GPR22: variants seen among roughly 807,000 people sequenced by gnomAD.
The protein encoded by GPR22 is G-protein coupled receptor 22.
Under a neutral mutation model 31.0 loss-of-function variants are expected in GPR22, and 13 were observed. The ratio of observed to expected loss-of-function variants is 0.42; its 90% CI spans 0.27 to 0.67. GPR22 has a LOEUF of 0.67. GPR22 is among the 30% of genes least tolerant of loss of function. The pLI is 0.25. For synonymous variants in GPR22, 191 were observed against 173.4 expected (o/e 1.10, Z -0.80); for missense variants, 368 against 509.6 (o/e 0.72, Z 2.67).
chr7:107,475,392 TTCAAA>T lies in GPR22; in HGVS notation c.*32_*36del, dbSNP rs748502886. 3.9e-5 allele frequency: 39 copies of T among 994,682 alleles called. No homozygotes were observed. Among genetic ancestry groups the T allele is most frequent in the Non-Finnish European group, 5.7e-5 (39 of 680,730 alleles). The allele number at this position is 994,682 out of a possible 1,614,324, so 61.6% of individuals were successfully genotyped here. On this transcript the variant is annotated 3_prime_UTR_variant, in exon 3 of 3. Coordinates refer to ENST00000304402, the MANE Select transcript of GPR22 (RefSeq NM_005295.3). ...AAGTCTCAGTTTCACCAAATCCACATTCAAATGAGTTTTAAATTTAAATTGTAAAA... is the reference window on the plus strand; with the variant it reads ...AAGTCTCAGTTTCACCAAATCCACATTGAGTTTTAAATTTAAATTGTAAAA...
In GPR22 at chr7:107,474,433, G is replaced by T; in HGVS notation, c.373G>T (p.Ala125Ser). 1.9e-6 allele frequency: 3 copies of T among 1,613,190 alleles called. No homozygotes were observed. Among genetic ancestry groups the T allele is most frequent in the Admixed American group, 1.7e-5 (1 of 59,906 alleles). Residue 125 changes from alanine to serine, a missense_variant, in exon 3 of 3, where the codon GCA becomes TCA. Physicochemically the swap from Ala to Ser is moderately conservative, Grantham distance 99. Transcript: ENST00000304402. The surrounding 1 kb of genome is among the most constrained non-coding windows in gnomAD (Gnocchi z 5.7). ...TTTCCATGAGGCTTGTGTATCTTTT[G>T]CAAGTGTCTCAACAGCAATCAACGT... ...CCFHEACVSF[A>S]SVSTAINVFA...
downstream of GPR22, among the ~76,000 whole-genome samples, chr7:107,476,782 A>G (rs1797022962): frequency 6.6e-6 from 1 of 151,846 alleles, no homozygotes; most frequent in East Asian, 1.9e-4. Flanking sequence ...CCAAGTAGCA[A>G]TTCATTTTTA....
chr7:107,474,717 A>G lies in GPR22; in HGVS notation c.657A>G (p.Ile219Met). 6.2e-7 allele frequency: 1 copy of G among 1,611,310 alleles called. No homozygotes were observed. The highest frequency in any genetic ancestry group is 8.5e-7 in the Non-Finnish European group (1 of 1,178,504). ...ATCACCTGTTAGTACAGATCCCAAT[A>G]TTCTTTTTCACTGTTGTAGTAATGT... Reference protein sequence around the residue: ...MYYHLLVQIPIFFFTVVVMLI... With the variant: ...MYYHLLVQIPMFFFTVVVMLI... Residue 219 changes from isoleucine to methionine, a missense_variant, in exon 3 of 3, where the codon ATA becomes ATG. Transcript: ENST00000304402. This position sits in a 1 kb window ranked among gnomAD's most constrained non-coding sequence, Gnocchi z 5.7.
downstream of GPR22, among the ~76,000 whole-genome samples, chr7:107,477,593 A>C (rs1042479836): frequency 2.6e-5 from 4 of 151,852 alleles, no homozygotes; most frequent in Non-Finnish European, 5.9e-5. Context: ...ACCATCCGTA[A>C]TGATCTTTCA....
Position 107,471,822 on chromosome 7 carries a change from T to C in GPR22, c.-507T>C, listed in dbSNP as rs921025279. 2 of 152,018 alleles carry C rather than the reference T, an allele frequency of 1.3e-5. No individual in the cohort carries two copies. Among genetic ancestry groups the C allele is most frequent in the African/African-American group, 2.4e-5 (1 of 41,446 alleles). 9.4% of individuals were successfully genotyped at this position (152,018 alleles called of 1,614,324 possible). A position where few individuals can be genotyped will look rare whatever the true frequency, so the allele number is the denominator to read the frequency against. On this transcript the variant is annotated 5_prime_UTR_variant, in exon 2 of 3. An upstream open reading frame in the 5' UTR loses its in-frame stop. Coordinates refer to ENST00000304402, the MANE Select transcript of GPR22 (RefSeq NM_005295.3). ...GGTATGACTAATGGATTTTTCTATC[T>C]GACTTTTATGACCAATTATGTATCC...
Position 107,474,750 on chromosome 7 carries a change from A to T in GPR22, c.690A>T (p.Thr230=). The T allele has an allele frequency of 1.2e-6, 2 of 1,610,308 alleles. No individual in the cohort carries two copies. Among genetic ancestry groups the T allele is most frequent in the Non-Finnish European group, 1.7e-6 (2 of 1,178,018 alleles). Reference sequence around the variant, plus strand: ...TCACTGTTGTAGTAATGTTAATCACATACACCAAAATACTTCAGGCTCTTA... The same window carrying T: ...TCACTGTTGTAGTAATGTTAATCACTTACACCAAAATACTTCAGGCTCTTA... ...FFFTVVVMLI[T]YTKILQALNI... The change falls in exon 3 of 3, where the codon ACA becomes ACT. Residue 230 remains threonine, a synonymous_variant. Coordinates refer to ENST00000304402, the MANE Select transcript of GPR22 (RefSeq NM_005295.3). This position sits in a 1 kb window ranked among gnomAD's most constrained non-coding sequence, Gnocchi z 5.7.
chr7:107,474,303 A>G lies in GPR22; in HGVS notation c.243A>G (p.Thr81=). 1.2e-6 allele frequency: 2 copies of G among 1,611,240 alleles called. No homozygotes were observed. The highest frequency in any genetic ancestry group is 1.7e-6 in the Non-Finnish European group (2 of 1,177,564). Residue 81 remains threonine (T), a synonymous_variant, in exon 3 of 3, where the codon ACA becomes ACG. Transcript: ENST00000304402. This position sits in a 1 kb window ranked among gnomAD's most constrained non-coding sequence, Gnocchi z 5.7. ...TCAACTCTGTCAGTAACATTATTAC[A>G]ATGAATCTTCATGTACTTGATGTAA... ...NLINSVSNII[T]MNLHVLDVII...
In GPR22 at chr7:107,474,987, G is replaced by T; in HGVS notation, c.927G>T (p.Lys309Asn). 1 of 1,612,532 alleles carries T rather than the reference G, an allele frequency of 6.2e-7. No individual in the cohort carries two copies. The highest frequency in any genetic ancestry group is 8.5e-7 in the Non-Finnish European group (1 of 1,179,208). ...KRHRERRERQKRVFRMSLLII... is the reference protein window; with the variant it reads ...KRHRERRERQNRVFRMSLLII... Reference sequence around the variant, plus strand: ...ACCGTGAACGACGAGAAAGACAAAAGAGAGTCTTCAGGATGTCTTTATTGA... The same window carrying T: ...ACCGTGAACGACGAGAAAGACAAAATAGAGTCTTCAGGATGTCTTTATTGA... The change falls in exon 3 of 3, where the codon AAG (lysine) becomes AAT (asparagine). Residue 309 changes from lysine (K) to asparagine (N), a missense_variant. Lys to Asn is a moderately conservative substitution (Grantham distance 94). Transcript: ENST00000304402. The surrounding 1 kb of genome is among the most constrained non-coding windows in gnomAD (Gnocchi z 5.7).
In GPR22 at chr7:107,474,703, G is replaced by C; in HGVS notation, c.643G>C (p.Val215Leu). ...ACTGGGAATGTATTATCACCTGTTA[G>C]TACAGATCCCAATATTCTTTTTCAC... ...TELGMYYHLL[V>L]QIPIFFFTVV... is the part of the protein sequence containing the mutation. The change falls in exon 3 of 3, where the codon GTA becomes CTA. Residue 215 changes from valine to leucine, a missense_variant. Physicochemically the swap from Val to Leu is conservative, Grantham distance 32. Transcript: ENST00000304402. The surrounding 1 kb of genome is among the most constrained non-coding windows in gnomAD (Gnocchi z 5.7). 6.2e-7 allele frequency: 1 copy of C among 1,610,870 alleles called. No homozygotes were observed. The highest frequency in any genetic ancestry group is 8.5e-7 in the Non-Finnish European group (1 of 1,177,838).
rs915721388 is a variant in GPR22 at position 107,471,600 on chromosome 7, A to T, written c.-729A>T. 2.6e-5 allele frequency: 4 copies of T among 152,066 alleles called. No homozygotes were observed. The highest frequency in any genetic ancestry group is 2.1e-4 in the South Asian group (1 of 4,834). The allele number at this position is 152,066 out of a possible 1,614,324, so 9.4% of individuals were successfully genotyped here. ...AAATAACCACAAAAAGAAAAACAAT[A>T]TAACTGTAAAAGCCTGAAAAGAATT... On this transcript the variant is annotated 5_prime_UTR_variant, in exon 2 of 3. Coordinates refer to ENST00000304402, the MANE Select transcript of GPR22 (RefSeq NM_005295.3).
Position 107,475,282 on chromosome 7 carries a change from C to A in GPR22, c.1222C>A (p.Pro408Thr), listed in dbSNP as rs1289051978. The A allele has an allele frequency of 2.5e-6, 4 of 1,594,490 alleles. No individual in the cohort carries two copies. The highest frequency in any genetic ancestry group is 2.7e-5 in the African/African-American group (2 of 73,824). Residue 408 changes from proline (P) to threonine (T), a missense_variant, in exon 3 of 3, where the codon CCT (proline) becomes ACT (threonine). Pro to Thr is a conservative substitution (Grantham distance 38). Coordinates refer to ENST00000304402, the MANE Select transcript of GPR22 (RefSeq NM_005295.3). ...NAVIHNSWID[P>T]KRNKKITFED... ...TGTAATACACAACTCTTGGATAGATCCTAAAAGAAACAAAAAAATTACCTT... is the reference window on the plus strand; with the variant it reads ...TGTAATACACAACTCTTGGATAGATACTAAAAGAAACAAAAAAATTACCTT...
chr7:107,473,686 C>T (rs934040493), intron 2 of GPR22, among the ~76,000 whole-genome samples: 2 of 151,948 alleles, frequency 1.3e-5, no homozygotes, highest in African/African-American at 4.8e-5. Flanking sequence ...TTTTAAGACA[C>T]TGGGCTGAAA....
rs1016573383 is a variant in GPR22 at position 107,471,965 on chromosome 7, A to G, written c.-364A>G. 2 of 152,064 alleles carry G rather than the reference A, an allele frequency of 1.3e-5. No individual in the cohort carries two copies. Among genetic ancestry groups the G allele is most frequent in the Non-Finnish European group, 2.9e-5 (2 of 67,946 alleles). 9.4% of individuals were successfully genotyped at this position (152,064 alleles called of 1,614,324 possible). The stretch of plus-strand genomic sequence containing the variant: ...AAGAAATCATTTCAAAATAGTGAGC[A>G]CTGCTATTAAAAACAGATTTACAAT... On this transcript the variant is annotated 5_prime_UTR_variant, in exon 2 of 3. Transcript: ENST00000304402.
intron 2 of GPR22, chr7:107,472,517 A>C (rs921464954): frequency 1.3e-5 from 2 of 151,912 alleles, no homozygotes; most frequent in Non-Finnish European, 2.9e-5. Context: ...TTTCTGCTTT[A>C]TTTAATTATA....
At position 107,474,710 on chromosome 7, in the gene GPR22, T is replaced by C; in HGVS notation, c.650T>C (p.Ile217Thr). 1 of 1,611,260 alleles carries C rather than the reference T, an allele frequency of 6.2e-7. No homozygotes were observed. The highest frequency in any genetic ancestry group is 1.1e-5 in the South Asian group (1 of 90,824). Residue 217 changes from isoleucine (I) to threonine (T), a missense_variant, in exon 3 of 3, where the codon ATC becomes ACC. Ile to Thr is a moderately conservative substitution (Grantham distance 89, BLOSUM62 -1). Transcript: ENST00000304402. This position sits in a 1 kb window ranked among gnomAD's most constrained non-coding sequence, Gnocchi z 5.7. ...LGMYYHLLVQ[I>T]PIFFFTVVVM... ...ATGTATTATCACCTGTTAGTACAGA[T>C]CCCAATATTCTTTTTCACTGTTGTA... is the stretch of plus-strand genomic sequence containing the variant.
chr7:107,475,108 T>C lies in GPR22; in HGVS notation c.1048T>C (p.Leu350=), dbSNP rs1465149072. Residue 350 remains leucine (L), a synonymous_variant, in exon 3 of 3, where the codon TTG becomes CTG. Transcript: ENST00000304402. ...AAGTGACCTTTTAGTAAAATTAAGA[T>C]TGTGTTTTTTAGTCATGGCTTATGG... ...GPSDLLVKLR[L]CFLVMAYGTT... The C allele has an allele frequency of 1.2e-6, 2 of 1,612,348 alleles. No individual in the cohort carries two copies. Among genetic ancestry groups the C allele is most frequent in the Non-Finnish European group, 8.5e-7 (1 of 1,178,894 alleles).
Position 107,474,143 on chromosome 7 carries a change from C to T in GPR22, c.83C>T (p.Thr28Ile), listed in dbSNP as rs141612463. 1.1e-4 allele frequency: 177 copies of T among 1,606,594 alleles called. No individual in the cohort carries two copies. Among genetic ancestry groups the T allele is most frequent in the Middle Eastern group, 3.3e-4 (2 of 6,042 alleles). The change falls in exon 3 of 3, where the codon ACC becomes ATC. Residue 28 changes from threonine (T) to isoleucine (I), a missense_variant. Thr to Ile is a moderately conservative substitution (Grantham distance 89). Transcript: ENST00000304402. The surrounding 1 kb of genome is among the most constrained non-coding windows in gnomAD (Gnocchi z 5.7). ...TVRDDIDDIN[T>I]NMYQPLSYPL... Reference sequence around the variant, plus strand: ...CGAGATGACATTGATGACATCAACACCAATATGTACCAACCACTATCATAT... The same window carrying T: ...CGAGATGACATTGATGACATCAACATCAATATGTACCAACCACTATCATAT...
Position 107,475,267 on chromosome 7 carries a change from A to T in GPR22, c.1207A>T (p.Asn403Tyr), listed in dbSNP as rs896703448. 6.2e-7 allele frequency: 1 copy of T among 1,604,508 alleles called. No individual in the cohort carries two copies. The highest frequency in any genetic ancestry group is 1.3e-5 in the African/African-American group (1 of 74,658). ...DPLPNNAVIH[N>Y]SWIDPKRNKK... ...CCTGCCTAATAATGCTGTAATACAC[A>T]ACTCTTGGATAGATCCTAAAAGAAA... The change falls in exon 3 of 3, where the codon AAC becomes TAC. Residue 403 changes from asparagine to tyrosine, a missense_variant. Asn to Tyr is a moderately radical substitution (Grantham distance 143). Coordinates refer to ENST00000304402, the MANE Select transcript of GPR22 (RefSeq NM_005295.3).
chr7:107,477,239 T>C (rs889674804), downstream of GPR22, among the ~76,000 whole-genome samples: 2 of 151,804 alleles, frequency 1.3e-5, no homozygotes, highest in East Asian at 3.9e-4. Flanking sequence ...TATCTTCATT[T>C]AAGAATTTAA....
Sources: allele counts gnomAD v4.1 joint callset (sites outside exome capture counted in the v4.1 genomes callset), GRCh38; gene constraint gnomAD v4.1.1; non-coding constraint Gnocchi (gnomAD v3.1); transcripts MANE v1.5; gene names NCBI Gene and HGNC (gene_info 2026-07-23, HGNC 2026-07-21).